The following FAAP20 variants were observed in gnomAD, a reference collection of about 807,000 sequenced individuals.
FAAP20 encodes the protein Fanconi anemia core complex-associated protein 20.
FAAP20 carries 12 observed loss-of-function variants against 16.2 expected under a neutral mutation model. The observed-to-expected ratio is 0.74, with a 90% CI of 0.48 to 1.20. The LOEUF is 1.20. FAAP20 is among the 50% of genes most tolerant of loss of function. The pLI, the probability that FAAP20 is intolerant of heterozygous loss-of-function variation, is 0.00. For missense variants in FAAP20, 288 were observed against 245.8 expected (o/e 1.17, Z -1.15); for synonymous variants, 141 against 110.7 (o/e 1.27, Z -1.72).
At chr1:2,201,892 C>T (rs1689064937), upstream of FAAP20, among the ~76,000 whole-genome samples, 1 of 151,222 alleles carries the variant, frequency 6.6e-6, no homozygotes, top group Non-Finnish European at 1.5e-5. Context: ...TGGTGGGCAC[C>T]TGTAGTCCCA....
At chr1:2,186,627 G>A (rs543147707), downstream of FAAP20, among the ~76,000 whole-genome samples, 4 of 152,118 alleles carry the variant, frequency 2.6e-5, no homozygotes, top group African/African-American at 7.2e-5. Context: ...TCCAGGAGCC[G>A]ACCTGGGTCT....
At chr1:2,199,182 T>TG, upstream of FAAP20, 1 of 1,174,772 alleles carries the variant, frequency 8.5e-7, no homozygotes, top group Non-Finnish European at 1.1e-6. The surrounding 1 kb of genome is among the most constrained non-coding windows in gnomAD (Gnocchi z 4.5). Flanking sequence ...GGCCTGTGTC[T>TG]GGGCCAGCAT....
downstream of FAAP20, chr1:2,187,027 C>G (rs116710939): frequency 2.9e-6 from 1 of 348,756 alleles, no homozygotes; most frequent in Non-Finnish European, 6.0e-6. Context: ...GCTCCGGTCA[C>G]GACGGTGTCT....
At chr1:2,198,628 A>G, upstream of FAAP20, 1 of 1,190,526 alleles carries the variant, frequency 8.4e-7, no homozygotes, top group Non-Finnish European at 1.1e-6. Context: ...CACCCTCCCA[A>G]TTTCCAAATG....
upstream of FAAP20, chr1:2,199,280 C>T: frequency 9.3e-7 from 1 of 1,077,106 alleles, no homozygotes; most frequent in South Asian, 2.3e-5. The surrounding 1 kb of genome is among the most constrained non-coding windows in gnomAD (Gnocchi z 4.5). Flanking sequence ...CACAGCCTGT[C>T]CTCCATCCCC....
intron 3 of FAAP20, chr1:2,191,169 A>T (rs1309090813): frequency 6.6e-6 from 1 of 152,330 alleles, no homozygotes; most frequent in African/African-American, 2.4e-5. Context: ...AACCGAGGTC[A>T]TCTTGTCCCG....
At chr1:2,205,649 T>G (rs1173019549) in intron 3 of FAAP20, among the ~76,000 whole-genome samples, 1 of 152,134 alleles carries the variant, frequency 6.6e-6, no homozygotes, top group Non-Finnish European at 1.5e-5. Context: ...GGACGCCACA[T>G]GCAAGCCACG....
chr1:2,190,372 G>A (rs765547812), intron 3 of FAAP20: 23 of 451,592 alleles, frequency 5.1e-5, no homozygotes, highest in Middle Eastern at 3.2e-4. Flanking sequence ...GCGCTGGGAT[G>A]GTGGCCGGCC....
downstream of FAAP20, among the ~76,000 whole-genome samples, chr1:2,187,813 C>T (rs545098921): frequency 3.9e-5 from 6 of 152,266 alleles, no homozygotes; most frequent in South Asian, 4.1e-4. Context: ...CCCAGGGCAC[C>T]GTCAGTCCCG....
rs746029487 is a variant in FAAP20 at position 2,193,642 on chromosome 1, G to T, written c.467C>A (p.Pro156His). ...GGCGCAGGGGTGGCCTACTCACCTGGGGGCGAACTCCTTCTGGCACATGGG... is the reference window on the plus strand; with the variant it reads ...GGCGCAGGGGTGGCCTACTCACCTGTGGGCGAACTCCTTCTGGCACATGGG... ...SCPMCQKEFA[P>H]RLTQLDVDSH... Residue 156 changes from proline to histidine, a missense_variant, in exon 3 of 4, where the codon CCC becomes CAC. By Grantham distance (77) the Pro-to-His change is moderately conservative. Coordinates refer to ENST00000378546, the MANE Select transcript of FAAP20 (RefSeq NM_182533.4). The T allele has an allele frequency of 6.3e-7, 1 of 1,595,702 alleles. No homozygotes were observed. Among genetic ancestry groups the T allele is most frequent in the East Asian group, 2.2e-5 (1 of 44,694 alleles).
At chr1:2,211,790 G>T (rs1689454743), downstream of FAAP20, among the ~76,000 whole-genome samples, 1 of 149,450 alleles carries the variant, frequency 6.7e-6, no homozygotes, top group African/African-American at 2.5e-5. Flanking sequence ...TCATCATGTT[G>T]GCCAGGCTGG....
upstream of FAAP20, chr1:2,198,875 G>A (rs1688929522): frequency 3.9e-6 from 5 of 1,289,800 alleles, no homozygotes; most frequent in Non-Finnish European, 5.1e-6. Context: ...ATAGCCAGAT[G>A]TGGTGGCATT....
Position 2,189,687 on chromosome 1 carries a change from G to A in FAAP20, c.*22C>T, listed in dbSNP as rs1211664175. On this transcript the variant is annotated 3_prime_UTR_variant, in exon 4 of 4. Coordinates refer to ENST00000378546, the MANE Select transcript of FAAP20 (RefSeq NM_182533.4). ...AGAGCGTGTCCGGGCGCCGCACTCT[G>A]CGCAGGGCTCTTGGATGGCGCTCAC... The A allele has an allele frequency of 6.2e-7, 1 of 1,609,992 alleles. No individual in the cohort carries two copies. Among genetic ancestry groups the A allele is most frequent in the African/African-American group, 1.3e-5 (1 of 74,878 alleles).
downstream of FAAP20, among the ~76,000 whole-genome samples, chr1:2,188,263 C>T (rs1687789191): frequency 6.6e-6 from 1 of 152,202 alleles, no homozygotes; most frequent in Admixed American, 6.5e-5. Flanking sequence ...CACTGTGAGC[C>T]CAGGCAGACG....
chr1:2,195,666 T>G (rs1688787554), upstream of FAAP20, among the ~76,000 whole-genome samples: 4 of 152,180 alleles, frequency 2.6e-5, no homozygotes, highest in Admixed American at 2.6e-4. Flanking sequence ...CCCAGTCGTC[T>G]GTGCCCTCCC....
At chr1:2,194,282 G>A in intron 1 of FAAP20, 149 bp from the exon 2 acceptor site, 3 of 1,028,612 alleles carry the variant, frequency 2.9e-6, no homozygotes, top group Admixed American at 5.5e-5. Context: ...GGCAGGGTTG[G>A]GGGAAGGGCT....
downstream of FAAP20, among the ~76,000 whole-genome samples, chr1:2,207,335 C>T (rs1019190946): frequency 6.6e-6 from 1 of 152,190 alleles, no homozygotes; most frequent in Non-Finnish European, 1.5e-5. Context: ...TGGTAGATAA[C>T]TGGAGCTGGG....
chr1:2,190,520 G>A (rs751103145), intron 3 of FAAP20: 15 of 422,260 alleles, frequency 3.6e-5, no homozygotes, highest in East Asian at 7.2e-5. Context: ...CAACTGGAGC[G>A]GCTGGAAATG....
chr1:2,193,701 C>T lies in FAAP20; in HGVS notation c.408G>A (p.Pro136=), dbSNP rs756259328. The T allele has an allele frequency of 6.3e-6, 10 of 1,595,636 alleles. No individual in the cohort carries two copies. Among genetic ancestry groups the T allele is most frequent in the Middle Eastern group, 1.7e-4 (1 of 5,896 alleles). ...GCAGGGCCGCGGCACCCTCCACAGA[C>T]GGCTGCTGCTCCACCCTGGGGGCCC... ...PCRAPRVEQQ[P]SVEGAAALRS... The change falls in exon 3 of 4, where the codon CCG becomes CCA. Residue 136 remains proline, a synonymous_variant. Transcript: ENST00000378546.
Sources: allele counts gnomAD v4.1 joint callset (sites outside exome capture counted in the v4.1 genomes callset), GRCh38; gene constraint gnomAD v4.1.1; non-coding constraint Gnocchi (gnomAD v3.1); transcripts MANE v1.5; gene names NCBI Gene and HGNC (gene_info 2026-07-23, HGNC 2026-07-21).